The following ATG3 variants were observed in gnomAD, a reference collection of about 807,000 sequenced individuals.
The protein encoded by ATG3 is ubiquitin-like-conjugating enzyme ATG3.
ATG3 carries 25 observed loss-of-function variants against 50.7 expected under a neutral mutation model. The observed-to-expected ratio is 0.49, with a 90% CI of 0.36 to 0.69. The LOEUF is 0.69. Ranked by LOEUF, ATG3 falls within the 30% of genes least tolerant of loss-of-function variation. The pLI is 0.00. For missense variants in ATG3, 281 were observed against 376.0 expected (o/e 0.75, Z 2.09); for synonymous variants, 119 against 125.5 (o/e 0.95, Z 0.34).
chr3:112,558,486 A>T (rs1334852318), intron 1 of ATG3, 69 bp from the exon 2 acceptor site: 1 of 1,284,402 alleles, frequency 7.8e-7, no homozygotes, highest in Non-Finnish European at 1.1e-6. Flanking sequence ...TTTTGGGGGC[A>T]ATTATTTGCC....
intron 11 of ATG3, chr3:112,533,063 A>G (rs2082567576): frequency 1.9e-6 from 2 of 1,051,534 alleles, no homozygotes; most frequent in Non-Finnish European, 1.1e-6. Context: ...AAAGCTATAC[A>G]TGTTTAAATG....
At position 112,534,292 on chromosome 3, in the gene ATG3, T is replaced by A. The variant is rs964302157; in HGVS notation, c.840A>T (p.Gly280=). Residue 280 remains glycine (G), a synonymous_variant, in exon 11 of 12, where the codon GGA becomes GGT. Transcript: ENST00000283290. ...ACATATGAACTCCAAGTTCTCCCCC[T>A]CCTTCTGCAACAGTCTCAATGATTT... ...MKKIIETVAE[G]GGELGVHMYL... is the part of the protein sequence containing the mutation. The A allele has an allele frequency of 6.3e-7, 1 of 1,597,334 alleles. No individual in the cohort carries two copies. Among genetic ancestry groups the A allele is most frequent in the Non-Finnish European group, 8.5e-7 (1 of 1,173,008 alleles).
chr3:112,558,322 C>A, intron 2 of ATG3, 54 bp downstream of exon 2: 1 of 1,330,272 alleles, frequency 7.5e-7, no homozygotes, highest in Non-Finnish European at 1.0e-6. Flanking sequence ...GAAAAGCCAC[C>A]TAGTTTAGTA....
chr3:112,536,311 T>C (rs1168205984), intron 10 of ATG3, 164 bp downstream of exon 10: 4 of 771,590 alleles, frequency 5.2e-6, no homozygotes, highest in Admixed American at 6.2e-5. Flanking sequence ...CTTTTTCTTA[T>C]ATATTTAAGC....
chr3:112,559,018 C>T (rs1010346577), intron 1 of ATG3, among the ~76,000 whole-genome samples: 1 of 152,156 alleles, frequency 6.6e-6, no homozygotes, highest in Non-Finnish European at 1.5e-5. Context: ...GGATTACAGG[C>T]GTGAGCCACT....
At chr3:112,535,501 G>A (rs1278388953) in intron 10 of ATG3, 3 of 152,064 alleles carry the variant, frequency 2.0e-5, no homozygotes, top group African/African-American at 7.2e-5. Flanking sequence ...TAAACCATAA[G>A]AGGAATCAAG....
intron 6 of ATG3, 65 bp downstream of exon 6, chr3:112,543,992 T>TATAG: frequency 3.3e-6 from 4 of 1,213,090 alleles, no homozygotes; most frequent in Middle Eastern, 1.9e-4. Flanking sequence ...TATGTGTGTG[T>TATAG]ATAGATAGAT....
chr3:112,533,678 T>G (rs1464545873), intron 11 of ATG3: 3 of 985,348 alleles, frequency 3.0e-6, no homozygotes, highest in Non-Finnish European at 3.6e-6. Context: ...AAATCTATGC[T>G]ATGAGTACAT....
At chr3:112,543,187 T>C (rs554312740) in intron 6 of ATG3, among the ~76,000 whole-genome samples, 3 of 152,214 alleles carry the variant, frequency 2.0e-5, no homozygotes, top group Admixed American at 6.5e-5. Context: ...GTCATAAGAC[T>C]AGGAACACAA....
chr3:112,548,612 CATCT>C lies in ATG3; in HGVS notation c.260_263del (p.Gln87ArgfsTer21). 1 of 1,613,898 alleles carries C rather than the reference CATCT, an allele frequency of 6.2e-7. No individual in the cohort carries two copies. Among genetic ancestry groups the C allele is most frequent in the Non-Finnish European group, 8.5e-7 (1 of 1,179,952 alleles). On this transcript the variant is annotated frameshift_variant, in exon 5 of 12. Transcript: ENST00000283290. LOFTEE classifies it high-confidence loss of function. ...TAGCTTCCAATTCATCTGAATATTC[CATCT>C]GTTTGCACCGCTTATAGCACGGCAC...
In ATG3 at chr3:112,561,644, C is replaced by A. The variant is rs369353152; in HGVS notation, c.-116G>T. On this transcript the variant is annotated 5_prime_UTR_variant, in exon 1 of 12. Coordinates refer to ENST00000283290, the MANE Select transcript of ATG3 (RefSeq NM_022488.5). ...CCGACTCGCATCAGCACCCGGCTGG[C>A]AGCACCCGAGGGGACGGGACGCGAC... 9.1e-7 allele frequency: 1 copy of A among 1,097,042 alleles called. No individual in the cohort carries two copies. The highest frequency in any genetic ancestry group is 1.6e-5 in the African/African-American group (1 of 62,768). 68.0% of individuals were successfully genotyped at this position (1,097,042 alleles called of 1,614,324 possible). A position where few individuals can be genotyped will look rare whatever the true frequency, so the allele number is the denominator to read the frequency against.
intron 3 of ATG3, among the ~76,000 whole-genome samples, chr3:112,551,087 CTCT>C (rs1315323703): frequency 2.0e-5 from 3 of 152,130 alleles, no homozygotes; most frequent in Non-Finnish European, 4.4e-5. Flanking sequence ...GCTCTGGCAC[CTCT>C]TCTTAAGAAT....
intron 3 of ATG3, 118 bp from the exon 4 acceptor site, chr3:112,550,380 T>C (rs1350632895): frequency 1.2e-6 from 1 of 844,782 alleles, no homozygotes; most frequent in East Asian, 2.8e-5. Context: ...AGAAAATTGG[T>C]TTAAAATTGA....
chr3:112,545,133 G>A (rs182291363), intron 5 of ATG3, among the ~76,000 whole-genome samples: 258 of 152,294 alleles, frequency 1.7e-3, no homozygotes, highest in Non-Finnish European at 2.6e-3. Context: ...GTCTTCCTAT[G>A]AAGAAATGAA....
intron 1 of ATG3, 70 bp downstream of exon 1, chr3:112,561,372 GAGAAAGCGGGGACTC>G: frequency 7.0e-7 from 1 of 1,420,680 alleles, no homozygotes. Context: ...TGCCCCGCCG[GAGAAAGCGGGGACTC>G]CTGCGGCGCC....
chr3:112,561,276 G>T (rs910942802), intron 1 of ATG3, among the ~76,000 whole-genome samples, 181 bp downstream of exon 1: 1 of 152,200 alleles, frequency 6.6e-6, no homozygotes, highest in South Asian at 2.1e-4. Context: ...TGAGGAGTCA[G>T]AAAGCCCTAA....
At chr3:112,553,601 A>G (rs750100881) in intron 2 of ATG3, among the ~76,000 whole-genome samples, 13 of 152,256 alleles carry the variant, frequency 8.5e-5, no homozygotes, top group Non-Finnish European at 1.6e-4. Flanking sequence ...TTCAGTTTTT[A>G]TAATTGGATT....
At chr3:112,560,532 C>T (rs1349615997) in intron 1 of ATG3, among the ~76,000 whole-genome samples, 1 of 152,016 alleles carries the variant, frequency 6.6e-6, no homozygotes, top group Non-Finnish European at 1.5e-5. Context: ...AGGTATTTCA[C>T]CCCCACACTG....
intron 7 of ATG3, 89 bp downstream of exon 7, chr3:112,541,714 A>G (rs1933233466): frequency 3.4e-6 from 4 of 1,171,772 alleles, no homozygotes; most frequent in Non-Finnish European, 5.0e-6. Flanking sequence ...TAAACTTACA[A>G]CTCAATGAAG....
Sources: allele counts gnomAD v4.1 joint callset (sites outside exome capture counted in the v4.1 genomes callset), GRCh38; gene constraint gnomAD v4.1.1; transcripts MANE v1.5; gene names NCBI Gene and HGNC (gene_info 2026-07-23, HGNC 2026-07-21).